Variants in SLC35G1 observed in about 807,000 individuals in gnomAD.
SLC35G1 encodes partner of STIM1.
Under a neutral mutation model 17.1 loss-of-function variants are expected in SLC35G1, and 10 were observed. The ratio of observed to expected loss-of-function variants is 0.59; its 90% CI spans 0.36 to 0.99. The LOEUF is 0.99. Ranked by LOEUF, SLC35G1 falls within the 50% of genes least tolerant of loss-of-function variation. The pLI is 0.01. For missense variants in SLC35G1, 433 were observed against 468.4 expected (o/e 0.92, Z 0.70); for synonymous variants, 185 against 181.1 (o/e 1.02, Z -0.18).
downstream of SLC35G1, chr10:93,907,412 T>C (rs1190371309): frequency 6.6e-6 from 1 of 152,362 alleles, no homozygotes; most frequent in East Asian, 1.9e-4. Context: ...TACAAGTTTA[T>C]TCCAGCCTGA....
In SLC35G1 at chr10:93,894,136, G is replaced by C. The variant is rs895166800; in HGVS notation, c.103G>C (p.Glu35Gln). The stretch of plus-strand genomic sequence containing the variant: ...CGCCACTGAGGAGCCGGCGGCCGCC[G>C]AGGCAGCTGGGGCGCCAGACCGCGG... ...PGATEEPAAA[E>Q]AAGAPDRGRC... The change falls in exon 1 of 3, where the codon GAG (glutamate) becomes CAG (glutamine). Residue 35 changes from glutamate (E) to glutamine (Q), a missense_variant. Glu to Gln is a conservative substitution (Grantham distance 29). Coordinates refer to ENST00000427197, the MANE Select transcript of SLC35G1 (RefSeq NM_001134658.3). The C allele has an allele frequency of 5.3e-5, 78 of 1,484,380 alleles. No homozygotes were observed. The highest frequency in any genetic ancestry group is 9.2e-5 in the Admixed American group (4 of 43,656). 92.0% of individuals were successfully genotyped at this position (1,484,380 alleles called of 1,614,324 possible).
Position 93,901,304 on chromosome 10 carries a change from A to G in SLC35G1, c.912A>G (p.Lys304=). Residue 304 remains lysine, a synonymous_variant, in exon 3 of 3, where the codon AAA becomes AAG. Transcript: ENST00000427197. Reference sequence around the variant, plus strand: ...TGGGGGGTCAGATATTTATCACAAAAGCACTTCAAATAGAAAAAGCAGGGC... The same window carrying G: ...TGGGGGGTCAGATATTTATCACAAAGGCACTTCAAATAGAAAAAGCAGGGC... ...FGLGGQIFIT[K]ALQIEKAGPV... 1 of 1,614,036 alleles carries G rather than the reference A, an allele frequency of 6.2e-7. No homozygotes were observed. The highest frequency in any genetic ancestry group is 8.5e-7 in the Non-Finnish European group (1 of 1,179,952).
rs147338639 is a variant in SLC35G1 at position 93,894,643 on chromosome 10, A to C, written c.178+432A>C. On this transcript the variant is annotated intron_variant, in intron 1 of 2. Coordinates refer to ENST00000427197, the MANE Select transcript of SLC35G1 (RefSeq NM_001134658.3). ...CTCTCCGAAAAGGAAGCTGAAAAGC[A>C]TCGAGTCTAGAAAAAATGTTCGTCC... 4.8e-3 allele frequency among the ~76,000 whole-genome samples: 737 copies of C among 152,254 alleles called. 6 individuals carry two copies. The highest frequency in any genetic ancestry group is 7.7e-3 in the Non-Finnish European group (525 of 68,006).
At chr10:93,906,169 TA>T (rs1286917700), downstream of SLC35G1, 9 of 152,260 alleles carry the variant, frequency 5.9e-5, no homozygotes, top group Non-Finnish European at 1.2e-4. Flanking sequence ...AGCTCAATAA[TA>T]TTAGAATTGA....
downstream of SLC35G1, among the ~76,000 whole-genome samples, chr10:93,905,296 C>A (rs1248787021): frequency 6.6e-6 from 1 of 151,958 alleles, no homozygotes; most frequent in African/African-American, 2.4e-5. Flanking sequence ...GTGTATGGAT[C>A]CATGGTCAAT....
At chr10:93,908,066 T>C (rs541407554), downstream of SLC35G1, 47 of 152,306 alleles carry the variant, frequency 3.1e-4, no homozygotes, top group African/African-American at 1.1e-3. Flanking sequence ...ATCTCCATGA[T>C]TGAAGGGAAT....
chr10:93,895,059 CA>C (rs1433607180), intron 1 of SLC35G1, among the ~76,000 whole-genome samples: 1 of 152,220 alleles, frequency 6.6e-6, no homozygotes, highest in Non-Finnish European at 1.5e-5. Context: ...AGAAGTCGAC[CA>C]TCTACCAGGA....
At chr10:93,908,446 T>A (rs929533454), downstream of SLC35G1, 1 of 152,042 alleles carries the variant, frequency 6.6e-6, no homozygotes, top group Non-Finnish European at 1.5e-5. Flanking sequence ...TAATTGAGGG[T>A]GGTAGAATGC....
At chr10:93,896,544 T>C (rs2060332236) in intron 1 of SLC35G1, among the ~76,000 whole-genome samples, 1 of 152,182 alleles carries the variant, frequency 6.6e-6, no homozygotes, top group Admixed American at 6.5e-5. Flanking sequence ...CTCATCTCCA[T>C]TGACAGGATT....
intron 2 of SLC35G1, among the ~76,000 whole-genome samples, chr10:93,900,335 T>C (rs558935273): frequency 1.1e-3 from 160 of 152,288 alleles, no homozygotes; most frequent in Middle Eastern, 3.4e-3. Context: ...AAAAGTGATA[T>C]GTTTATAGAA....
downstream of SLC35G1, among the ~76,000 whole-genome samples, chr10:93,905,106 G>A (rs2060420104): frequency 6.6e-6 from 1 of 152,108 alleles, no homozygotes; most frequent in Non-Finnish European, 1.5e-5. Context: ...TGGGTATTAT[G>A]CTTGGCTCTG....
rs572646484 is a variant in SLC35G1, at chr10:93,894,255, C to G, written c.178+44C>G. On this transcript the variant is annotated intron_variant, in intron 1 of 2. Transcript: ENST00000427197. ...TCGGGCTCTGGTCTCGCTCGGGGGTCCCGAGCGGGCGCCGGCGGGTTGGGG... is the reference window on the plus strand; with the variant it reads ...TCGGGCTCTGGTCTCGCTCGGGGGTGCCGAGCGGGCGCCGGCGGGTTGGGG... 39 of 1,299,000 alleles carry G rather than the reference C, an allele frequency of 3.0e-5. No individual in the cohort carries two copies. The South Asian group carries it at 6.5e-4, about 22-fold the overall frequency. The allele number at this position is 1,299,000 out of a possible 1,614,324, so 80.5% of individuals were successfully genotyped here.
At chr10:93,909,793 C>T (rs1363785133) in exon 3 of SLC35G1, 1 of 152,136 alleles carries the variant, frequency 6.6e-6, no homozygotes, top group Non-Finnish European at 1.5e-5. Context: ...TGTCAAATTT[C>T]CCGTTGTATA....
Position 93,901,664 on chromosome 10 carries a change from G to T in SLC35G1, c.*174G>T. ...TTAGTTAAGAATAGCTAGTCTGTTT[G>T]GTGTAACAATTTTTTGGTAGCTTTG... On this transcript the variant is annotated 3_prime_UTR_variant, in exon 3 of 3. Coordinates refer to ENST00000427197, the MANE Select transcript of SLC35G1 (RefSeq NM_001134658.3). 1 of 700,316 alleles carries T rather than the reference G, an allele frequency of 1.4e-6. No homozygotes were observed. Among genetic ancestry groups the T allele is most frequent in the Non-Finnish European group, 2.0e-6 (1 of 496,676 alleles). The allele number at this position is 700,316 out of a possible 1,614,324, so 43.4% of individuals were successfully genotyped here.
Position 93,900,936 on chromosome 10 carries a change from T to C in SLC35G1, c.544T>C (p.Tyr182His). 3 of 1,614,042 alleles carry C rather than the reference T, an allele frequency of 1.9e-6. No individual in the cohort carries two copies. The highest frequency in any genetic ancestry group is 2.2e-5 in the South Asian group (2 of 91,068). ...IFAWICLKEK[Y>H]SPWDALFTVF... ...TGCTTGGATATGTCTCAAGGAAAAA[T>C]ATAGCCCTTGGGATGCTCTTTTCAC... Residue 182 changes from tyrosine to histidine, a missense_variant, in exon 3 of 3, where the codon TAT becomes CAT. By Grantham distance (83) the Tyr-to-His change is moderately conservative. Transcript: ENST00000427197.
At position 93,903,795 on chromosome 10, in the gene SLC35G1, G is replaced by A. The variant is rs2060412525; in HGVS notation, c.*2305G>A. Reference sequence around the variant, plus strand: ...ATATTTTCATAAATTGTTTTTATAAGTACTAATAAAATAATATGAAAGAAA... The same window carrying A: ...ATATTTTCATAAATTGTTTTTATAAATACTAATAAAATAATATGAAAGAAA... On this transcript the variant is annotated 3_prime_UTR_variant, in exon 3 of 3. Coordinates refer to ENST00000427197, the MANE Select transcript of SLC35G1 (RefSeq NM_001134658.3). 6.6e-6 allele frequency: 1 copy of A among 152,180 alleles called. No homozygotes were observed. Among genetic ancestry groups the A allele is most frequent in the African/African-American group, 2.4e-5 (1 of 41,538 alleles). The allele number at this position is 152,180 out of a possible 1,614,324, so 9.4% of individuals were successfully genotyped here.
chr10:93,900,340 A>G (rs957360915), intron 2 of SLC35G1, among the ~76,000 whole-genome samples: 4 of 152,208 alleles, frequency 2.6e-5, no homozygotes, highest in South Asian at 2.1e-4. Flanking sequence ...TGATATGTTT[A>G]TAGAAAATTT....
chr10:93,898,101 G>C (rs542891390), intron 1 of SLC35G1, among the ~76,000 whole-genome samples: 1 of 152,288 alleles, frequency 6.6e-6, no homozygotes, highest in East Asian at 1.9e-4. Context: ...AGACTTGTGG[G>C]AGGAAGTCAA....
chr10:93,898,647 CTCTT>C lies in SLC35G1; in HGVS notation c.257_260del (p.Ser86TyrfsTer12). 6.2e-7 allele frequency: 1 copy of C among 1,613,832 alleles called. No individual in the cohort carries two copies. Among genetic ancestry groups the C allele is most frequent in the East Asian group, 2.2e-5 (1 of 44,864 alleles). ...TGTCTGCCTTCCTTTTCTCAGTGGG[CTCTT>C]TATTTGTTAAAAAAGTGCAAGACGT... On this transcript the variant is annotated frameshift_variant, in exon 2 of 3. Coordinates refer to ENST00000427197, the MANE Select transcript of SLC35G1 (RefSeq NM_001134658.3). LOFTEE classifies it high-confidence loss of function.
Sources: gnomAD v4.1 joint callset for allele counts (sites outside exome capture counted in the v4.1 genomes callset) on GRCh38, gnomAD v4.1.1 for gene constraint, MANE v1.5 for transcripts, NCBI Gene and HGNC (gene_info 2026-07-23, HGNC 2026-07-21) for gene names.